The following GSAP variants were observed in gnomAD, a reference collection of about 807,000 sequenced individuals.
GSAP encodes the protein gamma-secretase-activating protein.
In GSAP, 118 loss-of-function variants were observed where a neutral mutation model predicts 131.7. The ratio of observed to expected loss-of-function variants is 0.90; its 90% CI spans 0.77 to 1.04. The LOEUF (loss-of-function observed/expected upper bound fraction) is 1.04, where lower values mean the gene tolerates loss of function less well. GSAP is among the 50% of genes least tolerant of loss of function. The pLI, the probability that GSAP is intolerant of heterozygous loss-of-function variation, is 0.00. For synonymous variants in GSAP, 381 were observed against 363.4 expected (o/e 1.05, Z -0.55); for missense variants, 1,019 against 1,013.2 (o/e 1.01, Z -0.08).
intron 12 of GSAP, among the ~76,000 whole-genome samples, chr7:77,369,104 G>A (rs978394138): frequency 6.6e-6 from 1 of 152,166 alleles, no homozygotes; most frequent in Non-Finnish European, 1.5e-5. Flanking sequence ...TCGGGAACTT[G>A]TGAAGAGCAA....
intron 19 of GSAP, among the ~76,000 whole-genome samples, chr7:77,342,782 C>T (rs1372992434): frequency 6.6e-6 from 1 of 152,202 alleles, no homozygotes; most frequent in Admixed American, 6.5e-5. Flanking sequence ...TACAATTCCC[C>T]TATTTTACCT....
rs372881751 is a variant in GSAP at position 77,376,819 on chromosome 7, C to A, written c.741+29G>T. 71 of 1,070,460 alleles carry A rather than the reference C, an allele frequency of 6.6e-5. No homozygotes were observed. In the African/African-American group the frequency reaches 9.7e-4, roughly 15 times the overall value. The allele number at this position is 1,070,460 out of a possible 1,614,324, so 66.3% of individuals were successfully genotyped here. ...AAGAGAGTAATGTATCATAAACTTT[C>A]CTGTAGTGTGATCATTTTCTGGACT... On this transcript the variant is annotated intron_variant, in intron 10 of 30. Coordinates refer to ENST00000257626, the MANE Select transcript of GSAP (RefSeq NM_017439.4).
At chr7:77,395,910 A>C (rs1800299456) in intron 5 of GSAP, among the ~76,000 whole-genome samples, 1 of 152,258 alleles carries the variant, frequency 6.6e-6, no homozygotes, top group Admixed American at 6.5e-5. Flanking sequence ...GAATAGTAAG[A>C]GATTGATAGG....
At chr7:77,358,219 G>A (rs1453053611) in intron 14 of GSAP, among the ~76,000 whole-genome samples, 3 of 152,188 alleles carry the variant, frequency 2.0e-5, no homozygotes. Flanking sequence ...GCATGCGCCT[G>A]TAATCCCAGC....
In GSAP at chr7:77,329,317, C is replaced by A; in HGVS notation, c.1733+16G>T. The A allele has an allele frequency of 6.9e-7, 1 of 1,439,426 alleles. No homozygotes were observed. Among genetic ancestry groups the A allele is most frequent in the Non-Finnish European group, 9.5e-7 (1 of 1,048,252 alleles). 89.2% of individuals were successfully genotyped at this position (1,439,426 alleles called of 1,614,324 possible). A position where few individuals can be genotyped will look rare whatever the true frequency, so the allele number is the denominator to read the frequency against. Reference sequence around the variant, plus strand: ...TCAACCATCTTACAGATATGATAACCTCTGCTTTCACTTACTTTACTGCAT... The same window carrying A: ...TCAACCATCTTACAGATATGATAACATCTGCTTTCACTTACTTTACTGCAT... On this transcript the variant is annotated intron_variant, in intron 21 of 30. Transcript: ENST00000257626.
At chr7:77,333,152 C>G (rs140897519) in intron 19 of GSAP, among the ~76,000 whole-genome samples, 1 of 151,834 alleles carries the variant, frequency 6.6e-6, no homozygotes, top group African/African-American at 2.4e-5. Context: ...GGCGACAGTG[C>G]GAGACTGTCT....
intron 19 of GSAP, among the ~76,000 whole-genome samples, chr7:77,347,448 G>A (rs1792078461): frequency 6.6e-6 from 1 of 152,064 alleles, no homozygotes; most frequent in African/African-American, 2.4e-5. Context: ...GCTGGTGTCT[G>A]CTGCTTGGTA....
rs139250256 is a variant in GSAP at position 77,402,017 on chromosome 7, T to C, written c.243+2542A>G. On this transcript the variant is annotated intron_variant, in intron 3 of 30. Coordinates refer to ENST00000257626, the MANE Select transcript of GSAP (RefSeq NM_017439.4). ...TTATTGGTTTTAATATATTATCCTATAGTTACACAAGATTTAACAATTGAG... is the reference window on the plus strand; with the variant it reads ...TTATTGGTTTTAATATATTATCCTACAGTTACACAAGATTTAACAATTGAG... Among the ~76,000 whole-genome samples, 50 of 152,330 alleles carry C rather than the reference T, an allele frequency of 3.3e-4. No homozygotes were observed. In the East Asian group the frequency reaches 7.7e-3, roughly 23 times the overall value.
intron 5 of GSAP, among the ~76,000 whole-genome samples, chr7:77,388,756 T>C (rs1016035540): frequency 6.6e-6 from 1 of 152,240 alleles, no homozygotes; most frequent in Non-Finnish European, 1.5e-5. Flanking sequence ...AGCACTGCTT[T>C]ATTTTTTGAA....
intron 14 of GSAP, among the ~76,000 whole-genome samples, chr7:77,357,567 T>C (rs1793943557): frequency 6.6e-6 from 1 of 151,468 alleles, no homozygotes. Flanking sequence ...TGGGCCACAC[T>C]GGGAAGAAGA....
At chr7:77,353,662 C>T (rs370282456) in intron 16 of GSAP, 21 bp from the exon 17 acceptor site, 2 of 1,520,510 alleles carry the variant, frequency 1.3e-6, no homozygotes, top group East Asian at 2.3e-5. Context: ...TCAGACAGAA[C>T]TCTGTTGGTA....
intron 12 of GSAP, 116 bp from the exon 13 acceptor site, chr7:77,362,776 T>C (rs542436676): frequency 9.6e-5 from 62 of 646,574 alleles, no homozygotes; most frequent in South Asian, 6.5e-4. Flanking sequence ...TCTTACCTCA[T>C]AGATTATTCC....
At chr7:77,375,933 T>A (rs182328419) in intron 10 of GSAP, among the ~76,000 whole-genome samples, 152 of 152,250 alleles carry the variant, frequency 1.0e-3, no homozygotes, top group African/African-American at 2.5e-3. Flanking sequence ...TAATTTTTTT[T>A]AATCTTTTTT....
intron 5 of GSAP, among the ~76,000 whole-genome samples, chr7:77,392,086 G>C (rs1453238244): frequency 6.6e-6 from 1 of 152,088 alleles, no homozygotes; most frequent in African/African-American, 2.4e-5. Flanking sequence ...TTAGCCGGAA[G>C]TGGTGGTGGA....
At chr7:77,373,252 G>T (rs557318914) in intron 12 of GSAP, among the ~76,000 whole-genome samples, 1 of 152,128 alleles carries the variant, frequency 6.6e-6, no homozygotes, top group African/African-American at 2.4e-5. Flanking sequence ...GTGCCAAATA[G>T]TAACCTTTAC....
chr7:77,396,623 T>G (rs1369396751), intron 5 of GSAP, among the ~76,000 whole-genome samples: 1 of 152,148 alleles, frequency 6.6e-6, no homozygotes, highest in Non-Finnish European at 1.5e-5. Context: ...TTACAATGTG[T>G]TAGGTATTAA....
chr7:77,370,164 C>A (rs1183056687), intron 12 of GSAP, among the ~76,000 whole-genome samples: 1 of 152,056 alleles, frequency 6.6e-6, no homozygotes, highest in Non-Finnish European at 1.5e-5. Context: ...AGATTTAAAG[C>A]AAAGTACCAG....
intron 7 of GSAP, among the ~76,000 whole-genome samples, chr7:77,381,864 T>A (rs1052452999): frequency 1.2e-4 from 18 of 150,356 alleles, no homozygotes; most frequent in African/African-American, 4.4e-4. Context: ...GTAGATGGTC[T>A]CTTTCTATCA....
At chr7:77,331,955 ACTGGAAGT>A (rs1306753346) in intron 19 of GSAP, 1 of 151,896 alleles carries the variant, frequency 6.6e-6, no homozygotes, top group African/African-American at 2.4e-5. Context: ...TAGGTCCCTG[ACTGGAAGT>A]CTCTAAAGCT....
Sources: gnomAD v4.1 joint callset for allele counts (sites outside exome capture counted in the v4.1 genomes callset) on GRCh38, gnomAD v4.1.1 for gene constraint, MANE v1.5 for transcripts, NCBI Gene and HGNC (gene_info 2026-07-23, HGNC 2026-07-21) for gene names.